CACNA1E: variants seen among roughly 807,000 people sequenced by gnomAD.
The protein encoded by CACNA1E is voltage-dependent R-type calcium channel subunit alpha-1E.
In CACNA1E, 40 loss-of-function variants were observed where a neutral mutation model predicts 259.2. That is an observed-to-expected ratio of 0.15 (90% CI 0.12 to 0.20). The LOEUF (loss-of-function observed/expected upper bound fraction) is 0.20, where lower values mean the gene tolerates loss of function less well. Ranked by LOEUF, CACNA1E falls within the 10% of genes least tolerant of loss-of-function variation. CACNA1E has a pLI of 1.00. For synonymous variants in CACNA1E, 1,104 were observed against 1,138.5 expected (o/e 0.97, Z 0.61); for missense variants, 1,874 against 3,040.1 (o/e 0.62, Z 9.02).
chr1:181,426,750 C>CATCTCAACCCCT lies in CACNA1E; in HGVS notation c.434+13170_434+13171insATCTCAACCCCT, dbSNP rs1491304432. Among the ~76,000 whole-genome samples the CATCTCAACCCCT allele has an allele frequency of 4.0e-4, 54 of 135,450 alleles. 2 individuals carry two copies. The highest frequency in any genetic ancestry group is 5.8e-4 in the Non-Finnish European group (36 of 62,402). 88.9% of individuals were successfully genotyped at this position (135,450 alleles called of 152,430 possible). On this transcript the variant is annotated intron_variant, in intron 2 of 11. Coordinates refer to the CACNA1E transcript ENST00000524607. The stretch of plus-strand genomic sequence containing the variant: ...ACCCCTTCACAACTCAGCCCCTTCC[C>CATCTCAACCCCT]GTCTCAACCCCTGTCAATCTCAACC...
At chr1:181,733,937 A>G (rs1480076587) in intron 21 of CACNA1E, among the ~76,000 whole-genome samples, 187 bp downstream of exon 21, 1 of 152,138 alleles carries the variant, frequency 6.6e-6, no homozygotes, top group African/African-American at 2.4e-5. Context: ...TTCATCTTAA[A>G]TTTTTCCCAT....
intron 2 of CACNA1E, among the ~76,000 whole-genome samples, chr1:181,462,540 A>G (rs1450574177): frequency 6.6e-6 from 1 of 152,184 alleles, no homozygotes; most frequent in African/African-American, 2.4e-5. Context: ...ATACATAATA[A>G]TATTTGCCAT....
At chr1:181,765,738 C>A (rs1658963314) in intron 34 of CACNA1E, among the ~76,000 whole-genome samples, 1 of 152,184 alleles carries the variant, frequency 6.6e-6, no homozygotes, top group Admixed American at 6.5e-5. Context: ...ACTTCTCTGG[C>A]AGCGCTGAGA....
At position 181,623,501 on chromosome 1, in the gene CACNA1E, C is replaced by T. The variant is rs561466309; in HGVS notation, c.952-27837C>T. ...CTGTTAAATAACATTATATAGATTT[C>T]GTAGATTACAAATTTTGAAAAAATT... is the stretch of plus-strand genomic sequence containing the variant. On this transcript the variant is annotated intron_variant, in intron 6 of 47. Transcript: ENST00000367573. Among the ~76,000 whole-genome samples, 735 of 152,112 alleles carry T rather than the reference C, an allele frequency of 4.8e-3. 2 individuals carry two copies. Among genetic ancestry groups the T allele is most frequent in the Non-Finnish European group, 8.6e-3 (582 of 68,000 alleles).
rs59617491 is a variant in CACNA1E at position 181,570,073 on chromosome 1, C to A, written c.513-7693C>A. Among the ~76,000 whole-genome samples the A allele has an allele frequency of 2.4e-4, 36 of 152,218 alleles. No individual in the cohort carries two copies. The East Asian group carries it at 6.7e-3, about 29-fold the overall frequency. On this transcript the variant is annotated intron_variant, in intron 3 of 47. Transcript: ENST00000367573. ...GGTCTGAGAGGTCCGTTTATCTGAT[C>A]ATTTCATTTTATAGATAAGGAAACT...
chr1:181,422,786 ATAGTT>A (rs1658852234), intron 2 of CACNA1E, among the ~76,000 whole-genome samples: 1 of 152,216 alleles, frequency 6.6e-6, no homozygotes, highest in Non-Finnish European at 1.5e-5. Flanking sequence ...GCTATCACTT[ATAGTT>A]TAACCAAAAC....
chr1:181,489,993 C>A (rs1175282984), intron 1 of CACNA1E, among the ~76,000 whole-genome samples: 1 of 152,216 alleles, frequency 6.6e-6, no homozygotes, highest in Non-Finnish European at 1.5e-5. Flanking sequence ...CAGCATCAAT[C>A]TTAATTAAGG....
At chr1:181,784,350 G>T (rs1158397447) in intron 40 of CACNA1E, among the ~76,000 whole-genome samples, 2 of 152,152 alleles carry the variant, frequency 1.3e-5, no homozygotes, top group Non-Finnish European at 2.9e-5. Context: ...CGTACTTGCG[G>T]CTATTGTTAT....
intron 6 of CACNA1E, among the ~76,000 whole-genome samples, chr1:181,640,391 A>C (rs147705015): frequency 6.6e-6 from 1 of 152,344 alleles, no homozygotes; most frequent in Non-Finnish European, 1.5e-5. Flanking sequence ...GGAGATACAA[A>C]GACTTACAAG....
intron 3 of CACNA1E, among the ~76,000 whole-genome samples, chr1:181,519,366 T>G (rs1666829775): frequency 6.6e-6 from 1 of 152,154 alleles, no homozygotes; most frequent in South Asian, 2.1e-4. Context: ...TTAATGTATG[T>G]GTCACTGAAG....
intron 1 of CACNA1E, among the ~76,000 whole-genome samples, chr1:181,500,781 G>A (rs973533115): frequency 6.6e-6 from 1 of 152,210 alleles, no homozygotes; most frequent in African/African-American, 2.4e-5. Flanking sequence ...CTCAGTAGGT[G>A]TCTTTGAATG....
At chr1:181,464,875 G>A (rs930724651) in intron 2 of CACNA1E, among the ~76,000 whole-genome samples, 3 of 151,906 alleles carry the variant, frequency 2.0e-5, no homozygotes, top group African/African-American at 7.3e-5. Context: ...ACTTTACGTG[G>A]CATTGTTGAT....
At chr1:181,783,398 G>T (rs1341379478) in intron 39 of CACNA1E, among the ~76,000 whole-genome samples, 1 of 152,104 alleles carries the variant, frequency 6.6e-6, no homozygotes, top group Admixed American at 6.5e-5. Flanking sequence ...CTCCAAGGGG[G>T]GGCCTTACTG....
intron 1 of CACNA1E, among the ~76,000 whole-genome samples, chr1:181,491,393 T>A (rs1296707760): frequency 6.6e-6 from 1 of 152,200 alleles, no homozygotes; most frequent in African/African-American, 2.4e-5. Flanking sequence ...GTTCAGTAGG[T>A]CTGAAGTAGG....
intron 1 of CACNA1E, among the ~76,000 whole-genome samples, chr1:181,347,887 A>G (rs1425105000): frequency 6.6e-6 from 1 of 152,242 alleles, no homozygotes; most frequent in Admixed American, 6.5e-5. Flanking sequence ...AGAAATAACA[A>G]TATCCCAGTT....
At chr1:181,783,563 C>A in intron 39 of CACNA1E, 116 bp from the exon 40 acceptor site, 1 of 607,394 alleles carries the variant, frequency 1.6e-6, no homozygotes. Context: ...GATGGGGATC[C>A]TTGCCCTTCT....
At chr1:181,550,345 T>C (rs1461839806) in intron 3 of CACNA1E, among the ~76,000 whole-genome samples, 1 of 152,080 alleles carries the variant, frequency 6.6e-6, no homozygotes, top group Admixed American at 6.5e-5. Flanking sequence ...CTGGGTGTGG[T>C]GCCCTATAGA....
At chr1:181,516,669 C>T (rs1307888573) in intron 3 of CACNA1E, among the ~76,000 whole-genome samples, 1 of 152,204 alleles carries the variant, frequency 6.6e-6, no homozygotes, top group African/African-American at 2.4e-5. Flanking sequence ...TCCCTTGTGT[C>T]TCTTTGGGTT....
intron 7 of CACNA1E, among the ~76,000 whole-genome samples, chr1:181,683,996 G>GACTT (rs1257544489): frequency 6.6e-6 from 1 of 152,112 alleles, no homozygotes; most frequent in Non-Finnish European, 1.5e-5. Flanking sequence ...ATATGACAAT[G>GACTT]ACTTGATCAG....
Sources: gnomAD v4.1 joint callset for allele counts (sites outside exome capture counted in the v4.1 genomes callset) on GRCh38, gnomAD v4.1.1 for gene constraint, MANE v1.5 for transcripts, NCBI Gene and HGNC (gene_info 2026-07-23, HGNC 2026-07-21) for gene names.